ARPP21: variants seen among roughly 807,000 people sequenced by gnomAD.
ARPP21 encodes cAMP regulated phosphoprotein 21, also known as cAMP-regulated phosphoprotein 21.
A neutral mutation model predicts 113.2 loss-of-function variants in ARPP21; 69 were observed. The ratio of observed to expected loss-of-function variants is 0.61; its 90% confidence interval spans 0.50 to 0.74. The LOEUF (loss-of-function observed/expected upper bound fraction) is 0.74. Among genes scored for constraint, ARPP21 ranks in the 30% least tolerant of loss-of-function variants. The pLI, the probability that ARPP21 is intolerant of heterozygous loss-of-function variation, is 0.00. For synonymous variants in ARPP21, 368 were observed against 375.5 expected, an observed-to-expected ratio of 0.98 and a Z score of 0.23; for missense variants, 1,070 against 1,037.4, an observed-to-expected ratio of 1.03 and a Z score of -0.43.
At chr3:35,706,716 G>A (rs2089243440) in intron 9 of ARPP21, among the ~76,000 whole-genome samples, 2 of 152,244 alleles carry the variant, frequency 1.3e-5, no homozygotes, top group Admixed American at 6.5e-5. Context: ...ATACAGGCAG[G>A]CCTTTAAATT....
At chr3:35,643,784 T>G (rs1699094176) in intron 1 of ARPP21, 1 of 152,056 alleles carries the variant, frequency 6.6e-6, no homozygotes, top group Non-Finnish European at 1.5e-5. Flanking sequence ...ATGTGGGGCT[T>G]AAAGGTGATG....
At chr3:35,643,577 T>C (rs1243644826) in intron 1 of ARPP21, 2 of 152,202 alleles carry the variant, frequency 1.3e-5, no homozygotes, top group African/African-American at 4.8e-5. Context: ...AAGATAATGA[T>C]AAGCTACATA....
chr3:35,789,182 A>G (rs1304090005), intron 19 of ARPP21, among the ~76,000 whole-genome samples: 8 of 152,208 alleles, frequency 5.3e-5, no homozygotes, highest in Admixed American at 5.2e-4. Context: ...ACTGGAACAC[A>G]TTTCTCATTT....
At chr3:35,645,607 C>T (rs1699901037) in intron 1 of ARPP21, among the ~76,000 whole-genome samples, 2 of 151,864 alleles carry the variant, frequency 1.3e-5, no homozygotes, top group South Asian at 4.1e-4. Context: ...GAAATAATTC[C>T]TTGTGGTAGG....
intron 5 of ARPP21, chr3:35,685,090 G>A: frequency 1.0e-6 from 1 of 985,378 alleles, no homozygotes; most frequent in Non-Finnish European, 1.2e-6. Context: ...CCTGGGAGAA[G>A]TAATGCCCCA....
At chr3:35,769,394 C>A (rs2096112136) in intron 19 of ARPP21, among the ~76,000 whole-genome samples, 1 of 152,136 alleles carries the variant, frequency 6.6e-6, no homozygotes, top group East Asian at 1.9e-4. Flanking sequence ...AAGGGTGGAG[C>A]TTCAGGTAGA....
At chr3:35,673,333 A>T (rs1033491941) in intron 1 of ARPP21, among the ~76,000 whole-genome samples, 1 of 151,838 alleles carries the variant, frequency 6.6e-6, no homozygotes, top group East Asian at 1.9e-4. Context: ...TTTGCCTTTT[A>T]ATTTTGAGGA....
chr3:35,660,822 C>T (rs1707424479), intron 1 of ARPP21, among the ~76,000 whole-genome samples: 1 of 151,738 alleles, frequency 6.6e-6, no homozygotes, highest in African/African-American at 2.4e-5. Flanking sequence ...GGGTTTTTTT[C>T]CCTAAATAAT....
intron 9 of ARPP21, among the ~76,000 whole-genome samples, chr3:35,698,132 C>A (rs777023585): frequency 6.6e-6 from 1 of 151,634 alleles, no homozygotes; most frequent in African/African-American, 2.4e-5. Flanking sequence ...ATTTACTGAG[C>A]AAGACACTTC....
chr3:35,674,385 A>G (rs1482547506), intron 1 of ARPP21, among the ~76,000 whole-genome samples: 1 of 151,952 alleles, frequency 6.6e-6, no homozygotes, highest in Non-Finnish European at 1.5e-5. Context: ...TGTTTCAGTT[A>G]CACAAGGAAT....
At chr3:35,701,766 G>A (rs1047783818) in intron 9 of ARPP21, among the ~76,000 whole-genome samples, 1 of 151,146 alleles carries the variant, frequency 6.6e-6, no homozygotes, top group African/African-American at 2.4e-5. Context: ...GATTGACAGG[G>A]TAGGAGTGGT....
At chr3:35,763,197 T>C (rs895155473) in intron 19 of ARPP21, among the ~76,000 whole-genome samples, 4 of 152,134 alleles carry the variant, frequency 2.6e-5, no homozygotes, top group African/African-American at 4.8e-5. Flanking sequence ...TCTAATTAAA[T>C]GGCACTCTTC....
Position 35,682,909 on chromosome 3 carries a change from A to T in ARPP21, c.171+20A>T. 6.3e-7 allele frequency: 1 copy of T among 1,592,084 alleles called. No homozygotes were observed. The highest frequency in any genetic ancestry group is 8.6e-7 in the Non-Finnish European group (1 of 1,167,516). On this transcript the variant is annotated intron_variant, in intron 4 of 20. Transcript: ENST00000684406. Reference sequence around the variant, plus strand: ...TCCAAGGTAGGGTTCTTAACATTCTAGGTAGACCTGATATCATGGGTATAA... The same window carrying T: ...TCCAAGGTAGGGTTCTTAACATTCTTGGTAGACCTGATATCATGGGTATAA...
chr3:35,685,895 G>A (rs572465876), intron 5 of ARPP21: 1 of 618,046 alleles, frequency 1.6e-6, no homozygotes, highest in Non-Finnish European at 2.0e-6. Context: ...CAACTCTATA[G>A]CACTTTTGTG....
At chr3:35,668,337 G>A (rs901671239) in intron 1 of ARPP21, among the ~76,000 whole-genome samples, 7 of 152,134 alleles carry the variant, frequency 4.6e-5, no homozygotes, top group African/African-American at 1.4e-4. Flanking sequence ...GTGGCATCTT[G>A]GTGAGCCTAG....
intron 1 of ARPP21, among the ~76,000 whole-genome samples, chr3:35,657,504 C>T (rs1309784154): frequency 6.6e-6 from 1 of 152,106 alleles, no homozygotes. Context: ...ATAATGGCAA[C>T]TCTGTGTGAA....
At chr3:35,699,924 G>T (rs562449446) in intron 9 of ARPP21, among the ~76,000 whole-genome samples, 1 of 151,774 alleles carries the variant, frequency 6.6e-6, no homozygotes, top group African/African-American at 2.4e-5. Context: ...GAAATACACA[G>T]ATCAATCCAT....
intron 19 of ARPP21, among the ~76,000 whole-genome samples, chr3:35,787,861 A>G (rs1486136544): frequency 6.6e-6 from 1 of 152,194 alleles, no homozygotes; most frequent in South Asian, 2.1e-4. Context: ...AAGGATGCCA[A>G]AGTCAGAAAA....
At chr3:35,727,261 C>T (rs1422386856) in intron 14 of ARPP21, among the ~76,000 whole-genome samples, 2 of 152,092 alleles carry the variant, frequency 1.3e-5, no homozygotes, top group East Asian at 1.9e-4. Context: ...AATGTGGGGT[C>T]GTGATTAAAG....
Sources: gnomAD v4.1 joint callset for allele counts (sites outside exome capture counted in the v4.1 genomes callset) on GRCh38, gnomAD v4.1.1 for gene constraint, MANE v1.5 for transcripts, NCBI Gene and HGNC (gene_info 2026-07-23, HGNC 2026-07-21) for gene names.